Variants in NR4A2 observed in about 807,000 individuals in gnomAD.
NR4A2 encodes NGFI-B/nur77 beta-type transcription factor homolog.
In NR4A2, 1 loss-of-function variant was observed where a neutral mutation model predicts 50.5. The ratio of observed to expected loss-of-function variants is 0.02; its 90% CI spans 0.01 to 0.09. The LOEUF is 0.09. Among genes scored for constraint, NR4A2 ranks in the 10% least tolerant of loss-of-function variants. NR4A2 has a pLI of 1.00. For missense variants in NR4A2, 613 were observed against 777.3 expected (o/e 0.79, Z 2.51); for synonymous variants, 328 against 309.4 (o/e 1.06, Z -0.63).
In NR4A2 at chr2:156,329,302, T is replaced by C. The variant is rs1225057028; in HGVS notation, c.864+21A>G. On this transcript the variant is annotated intron_variant, in intron 3 of 7. Transcript: ENST00000339562. The surrounding 1 kb of genome is among the most constrained non-coding windows in gnomAD (Gnocchi z 7.5). ...CACTAGGGGCTCCCTACCTGCCTAC[T>C]CCGCTCCCGCCATTGCTCACCTTAA... The C allele has an allele frequency of 3.4e-5, 54 of 1,604,202 alleles. No homozygotes were observed. The highest frequency in any genetic ancestry group is 4.5e-5 in the Non-Finnish European group (53 of 1,175,574).
chr2:156,326,298 A>G lies in NR4A2; in HGVS notation c.1392T>C (p.Phe464=). The G allele has an allele frequency of 1.9e-6, 3 of 1,614,236 alleles. No homozygotes were observed. Among genetic ancestry groups the G allele is most frequent in the Middle Eastern group, 1.6e-4 (1 of 6,062 alleles). ...ACCTGTGCAAGACCACCCCATTGCAAAAGATGAGTTTACCCTCCACTGGGT... is the reference window on the plus strand; with the variant it reads ...ACCTGTGCAAGACCACCCCATTGCAGAAGATGAGTTTACCCTCCACTGGGT... ...RSNPVEGKLI[F]CNGVVLHRLQ... is the part of the protein sequence containing the mutation. The change falls in exon 7 of 8, where the codon TTT becomes TTC. Residue 464 remains phenylalanine, a synonymous_variant. Coordinates refer to ENST00000339562, the MANE Select transcript of NR4A2 (RefSeq NM_006186.4). This position sits in a 1 kb window ranked among gnomAD's most constrained non-coding sequence, Gnocchi z 4.2.
Position 156,329,531 on chromosome 2 carries a change from G to A in NR4A2, c.656C>T (p.Ala219Val), listed in dbSNP as rs370797040. 6 of 1,604,866 alleles carry A rather than the reference G, an allele frequency of 3.7e-6. No homozygotes were observed. The African/African-American group carries it at 6.7e-5, about 18-fold the overall frequency. The change falls in exon 3 of 8, where the codon GCT (alanine) becomes GTT (valine). Residue 219 changes from alanine to valine, a missense_variant. Around this residue, in one of 4 missense-constraint regions of NR4A2, gnomAD observed 275 missense variants for 248.9 expected, o/e 1.10. Coordinates refer to ENST00000339562, the MANE Select transcript of NR4A2 (RefSeq NM_006186.4). This position sits in a 1 kb window ranked among gnomAD's most constrained non-coding sequence, Gnocchi z 7.5. The part of the protein sequence containing the change: ...SHHVVDGQTF[A>V]VPNPIRKPAS... Reference sequence around the variant, plus strand: ...GGGCTTGCGAATGGGGTTGGGCACAGCGAAGGTCTGCCCGTCCACCACGTG... The same window carrying A: ...GGGCTTGCGAATGGGGTTGGGCACAACGAAGGTCTGCCCGTCCACCACGTG...
In NR4A2 at chr2:156,324,569, T is replaced by C. The variant is rs1180069387; in HGVS notation, c.*1175A>G. On this transcript the variant is annotated 3_prime_UTR_variant, in exon 8 of 8. Transcript: ENST00000339562. ...AGGCAGTGACTCATATCATGTGCCA[T>C]ACTAGAAATATACAAAGAAAAATAC... The C allele has an allele frequency of 6.6e-6, 1 of 152,610 alleles. No homozygotes were observed. Among genetic ancestry groups the C allele is most frequent in the African/African-American group, 2.4e-5 (1 of 41,442 alleles). The allele number at this position is 152,610 out of a possible 1,614,324, so 9.5% of individuals were successfully genotyped here. A position where few individuals can be genotyped will look rare whatever the true frequency, so the allele number is the denominator to read the frequency against.
rs1422100058 is a variant in NR4A2, at chr2:156,330,730, A to C, written c.-65T>G. 8.0e-6 allele frequency: 10 copies of C among 1,257,162 alleles called. No homozygotes were observed. Among genetic ancestry groups the C allele is most frequent in the East Asian group, 3.0e-5 (1 of 33,608 alleles). The allele number at this position is 1,257,162 out of a possible 1,614,324, so 77.9% of individuals were successfully genotyped here. On this transcript the variant is annotated 5_prime_UTR_variant, in exon 2 of 8. Coordinates refer to ENST00000339562, the MANE Select transcript of NR4A2 (RefSeq NM_006186.4). The stretch of plus-strand genomic sequence containing the variant: ...GGTGGACAGTGTCGTAATTCAATGA[A>C]GGACAAAGTTTCCAAGATTTTTAGA...
rs951502114 is a variant in NR4A2, at chr2:156,328,650, A to G, written c.865-117T>C. 6.7e-6 allele frequency: 8 copies of G among 1,186,896 alleles called. No individual in the cohort carries two copies. The African/African-American group carries it at 1.1e-4, about 16-fold the overall frequency. 73.5% of individuals were successfully genotyped at this position (1,186,896 alleles called of 1,614,324 possible). A position where few individuals can be genotyped will look rare whatever the true frequency, so the allele number is the denominator to read the frequency against. On this transcript the variant is annotated intron_variant, in intron 3 of 7. Transcript: ENST00000339562. The surrounding 1 kb of genome is among the most constrained non-coding windows in gnomAD (Gnocchi z 4.9). ...ACGATTCCTCCCCACAAACAAACAC[A>G]TACACACAATTCCATTTTATTTTTT...
In NR4A2 at chr2:156,332,593, C is replaced by T; in HGVS notation, c.-240G>A. 4.5e-6 allele frequency: 4 copies of T among 889,372 alleles called. No homozygotes were observed. Among genetic ancestry groups the T allele is most frequent in the Non-Finnish European group, 4.8e-6 (3 of 625,002 alleles). 55.1% of individuals were successfully genotyped at this position (889,372 alleles called of 1,614,324 possible). A position where few individuals can be genotyped will look rare whatever the true frequency, so the allele number is the denominator to read the frequency against. ...GTGGGAGAGCTGGGCGAAGGGAACC[C>T]GGACACCTCACGGAGGGAGGGAGCA... On this transcript the variant is annotated 5_prime_UTR_variant, in exon 1 of 8. Coordinates refer to ENST00000339562, the MANE Select transcript of NR4A2 (RefSeq NM_006186.4).
chr2:156,332,662 G>A lies in NR4A2; in HGVS notation c.-309C>T, dbSNP rs981969419. The A allele has an allele frequency of 1.4e-5, 6 of 419,480 alleles. No homozygotes were observed. Among genetic ancestry groups the A allele is most frequent in the East Asian group, 7.1e-5 (1 of 14,012 alleles). 26.0% of individuals were successfully genotyped at this position (419,480 alleles called of 1,614,324 possible). On this transcript the variant is annotated 5_prime_UTR_variant, in exon 1 of 8. In the 5' UTR this introduces an upstream ATG that the reference lacks. Transcript: ENST00000339562. ...GACAGGCAAAAGGGACCGCGGAGCCGTGCGCGAGCCGCCGGGCGGACTGGC... is the reference window on the plus strand; with the variant it reads ...GACAGGCAAAAGGGACCGCGGAGCCATGCGCGAGCCGCCGGGCGGACTGGC...
In NR4A2 at chr2:156,329,713, G is replaced by A. The variant is rs771851467; in HGVS notation, c.474C>T (p.Ala158=). 19 of 1,614,054 alleles carry A rather than the reference G, an allele frequency of 1.2e-5. No homozygotes were observed. In the South Asian group the frequency reaches 2.0e-4, roughly 17 times the overall value. ...SLHNFHQNYV[A]TTHMIEQRKT... ...TCCTCTGCTCGATCATGTGCGTAGT[G>A]GCCACGTAGTTCTGGTGGAAGTTGT... The change falls in exon 3 of 8, where the codon GCC becomes GCT. Residue 158 remains alanine (A), a synonymous_variant. Transcript: ENST00000339562. The surrounding 1 kb of genome is among the most constrained non-coding windows in gnomAD (Gnocchi z 7.5).
chr2:156,326,831 G>A lies in NR4A2; in HGVS notation c.1248C>T (p.Ile416=). The A allele has an allele frequency of 6.2e-7, 1 of 1,614,226 alleles. No homozygotes were observed. Among genetic ancestry groups the A allele is most frequent in the South Asian group, 1.1e-5 (1 of 91,084 alleles). The change falls in exon 6 of 8, where the codon ATC becomes ATT. Residue 416 remains isoleucine, a synonymous_variant. Transcript: ENST00000339562. This position sits in a 1 kb window ranked among gnomAD's most constrained non-coding sequence, Gnocchi z 4.2. ...GGATCTTCTCTGCCCAGCCCCGGAT[G>A]ATCTCCATGGAGCCAGTCAGGAGAT... The part of the protein sequence containing the change: ...FYDLLTGSME[I]IRGWAEKIPG...
intron 1 of NR4A2, 150 bp downstream of exon 1, chr2:156,332,330 C>A: frequency 1.8e-6 from 1 of 548,212 alleles, no homozygotes. Context: ...TAACTGCGCG[C>A]ACGCACTCCC....
Position 156,325,911 on chromosome 2 carries a change from C to G in NR4A2, c.1630G>C (p.Gly544Arg). The G allele has an allele frequency of 6.2e-7, 1 of 1,614,204 alleles. No homozygotes were observed. The highest frequency in any genetic ancestry group is 8.5e-7 in the Non-Finnish European group (1 of 1,180,036). The part of the protein sequence containing the change: ...CLKDHVTFNN[G>R]GLNRPNYLSK... ...AAATAATTGGGGCGGTTCAACCCCC[C>G]ATTGTTGAAAGTCACGTGGTCTTTG... The change falls in exon 8 of 8, where the codon GGG (glycine) becomes CGG (arginine). Residue 544 changes from glycine to arginine, a missense_variant. Physicochemically the swap from Gly to Arg is moderately radical, Grantham distance 125. Around this residue, in one of 4 missense-constraint regions of NR4A2, gnomAD observed 250 missense variants for 311.3 expected, o/e 0.80. Coordinates refer to ENST00000339562, the MANE Select transcript of NR4A2 (RefSeq NM_006186.4).
In NR4A2 at chr2:156,328,363, A is replaced by G. The variant is rs1234642600; in HGVS notation, c.994+41T>C. The G allele has an allele frequency of 2.5e-6, 4 of 1,613,764 alleles. No individual in the cohort carries two copies. The highest frequency in any genetic ancestry group is 3.4e-6 in the Non-Finnish European group (4 of 1,179,866). ...GCTGGAGTATGAGCAGTGGTTTCCT[A>G]AAGGCGCAAACTGGAGGGTCGGCAG... is the stretch of plus-strand genomic sequence containing the variant. On this transcript the variant is annotated intron_variant, in intron 4 of 7. Coordinates refer to ENST00000339562, the MANE Select transcript of NR4A2 (RefSeq NM_006186.4). The surrounding 1 kb of genome is among the most constrained non-coding windows in gnomAD (Gnocchi z 4.9).
chr2:156,329,568 C>T lies in NR4A2; in HGVS notation c.619G>A (p.Ala207Thr), dbSNP rs568311354. The change falls in exon 3 of 8, where the codon GCC (alanine) becomes ACC (threonine). Residue 207 changes from alanine (A) to threonine (T), a missense_variant. Physicochemically the swap from Ala to Thr is moderately conservative, Grantham distance 58. Coordinates refer to ENST00000339562, the MANE Select transcript of NR4A2 (RefSeq NM_006186.4). This position sits in a 1 kb window ranked among gnomAD's most constrained non-coding sequence, Gnocchi z 7.5. ...CCGTCCACCACGTGGTGGCTGCCGGCGGGCTCCGGGTTCATGGGGACGTGC... is the reference window on the plus strand; with the variant it reads ...CCGTCCACCACGTGGTGGCTGCCGGTGGGCTCCGGGTTCATGGGGACGTGC... ...PLHVPMNPEPAGSHHVVDGQT... is the reference protein window; with the variant it reads ...PLHVPMNPEPTGSHHVVDGQT... The T allele has an allele frequency of 3.2e-5, 51 of 1,602,208 alleles. No homozygotes were observed. The South Asian group carries it at 4.6e-4, about 15-fold the overall frequency.
rs944082960 is a variant in NR4A2 at position 156,326,226 on chromosome 2, T to C, written c.1464A>G (p.Glu488=). Residue 488 remains glutamate, a synonymous_variant, in exon 7 of 8, where the codon GAA becomes GAG. Coordinates refer to ENST00000339562, the MANE Select transcript of NR4A2 (RefSeq NM_006186.4). The surrounding 1 kb of genome is among the most constrained non-coding windows in gnomAD (Gnocchi z 4.2). ...TCATATTCTGCAAGTTGGAGGAGAA[T>C]TCAACAATGGAATCAATCCATTCCC... ...GFGEWIDSIV[E]FSSNLQNMNI... The C allele has an allele frequency of 2.5e-6, 4 of 1,614,140 alleles. No individual in the cohort carries two copies. The highest frequency in any genetic ancestry group is 1.6e-4 in the Middle Eastern group (1 of 6,062).
Position 156,328,086 on chromosome 2 carries a change from G to A in NR4A2, c.995-72C>T. ...CAGCTGCTGCCTCGGTCCCTCCCCG[G>A]GGAAGGCCGCAGCCGCGGGGCACCA... On this transcript the variant is annotated intron_variant, in intron 4 of 7. Coordinates refer to ENST00000339562, the MANE Select transcript of NR4A2 (RefSeq NM_006186.4). The surrounding 1 kb of genome is among the most constrained non-coding windows in gnomAD (Gnocchi z 4.9). 1.3e-6 allele frequency: 2 copies of A among 1,553,584 alleles called. No homozygotes were observed. Among genetic ancestry groups the A allele is most frequent in the East Asian group, 4.8e-5 (2 of 41,794 alleles).
At chr2:156,332,225 C>T (rs1686963605) in intron 1 of NR4A2, among the ~76,000 whole-genome samples, 1 of 152,174 alleles carries the variant, frequency 6.6e-6, no homozygotes, top group Admixed American at 6.5e-5. Context: ...TGTGGAGTCT[C>T]CCTTCCACGT....
chr2:156,331,094 T>G (rs1032952674), intron 1 of NR4A2, among the ~76,000 whole-genome samples: 1 of 152,204 alleles, frequency 6.6e-6, no homozygotes, highest in African/African-American at 2.4e-5. Flanking sequence ...TGCTACAGTG[T>G]AGGTGGAGAG....
Position 156,329,851 on chromosome 2 carries a change from C to A in NR4A2, c.336G>T (p.Glu112Asp), listed in dbSNP as rs562576602. Residue 112 changes from glutamate (E) to aspartate (D), a missense_variant, in exon 3 of 8, where the codon GAG becomes GAT. Coordinates refer to ENST00000339562, the MANE Select transcript of NR4A2 (RefSeq NM_006186.4). This position sits in a 1 kb window ranked among gnomAD's most constrained non-coding sequence, Gnocchi z 7.5. ...QHSHLPPQSEEMMPHSGSVYY... is the reference protein window; with the variant it reads ...QHSHLPPQSEDMMPHSGSVYY... ...AAACCGACCCGGAGTGCGGCATCATCTCCTCAGACTGGGGGGGCAGGTGGC... is the reference window on the plus strand; with the variant it reads ...AAACCGACCCGGAGTGCGGCATCATATCCTCAGACTGGGGGGGCAGGTGGC... The A allele has an allele frequency of 3.7e-6, 6 of 1,614,054 alleles. No individual in the cohort carries two copies. In the African/African-American group the frequency reaches 6.7e-5, roughly 18 times the overall value.
intron 1 of NR4A2, 127 bp downstream of exon 1, chr2:156,332,353 C>T: frequency 1.3e-6 from 1 of 752,468 alleles, no homozygotes; most frequent in Non-Finnish European, 2.0e-6. Flanking sequence ...TCCTTCGGTC[C>T]CACTCTCACT....
Sources: allele counts gnomAD v4.1 joint callset (sites outside exome capture counted in the v4.1 genomes callset), GRCh38; gene constraint gnomAD v4.1.1; regional missense constraint gnomAD v4.1.1; non-coding constraint Gnocchi (gnomAD v3.1); transcripts MANE v1.5; gene names NCBI Gene and HGNC (gene_info 2026-07-23, HGNC 2026-07-21).